GPR39: variants seen among roughly 807,000 people sequenced by gnomAD.
GPR39 encodes the protein G protein-coupled receptor 39.
A neutral mutation model predicts 18.4 loss-of-function variants in GPR39; 23 were observed. That is an observed-to-expected ratio of 1.25 (90% CI 0.90 to 1.77). The LOEUF is 1.77. GPR39 is among the 40% of genes most tolerant of loss of function. The probability of loss-of-function intolerance (pLI) is 0.00; values close to 1 mark genes in which losing one functional copy is unlikely to be tolerated. For missense variants in GPR39, 647 were observed against 602.4 expected (o/e 1.07, Z -0.78); for synonymous variants, 280 against 257.9 (o/e 1.09, Z -0.82).
At chr2:132,421,103 ATAATT>A (rs1444966776) in intron 1 of GPR39, among the ~76,000 whole-genome samples, 1 of 152,190 alleles carries the variant, frequency 6.6e-6, no homozygotes, top group Non-Finnish European at 1.5e-5. Context: ...AAAGGAACTG[ATAATT>A]TGATTATCTG....
chr2:132,623,632 C>T (rs898745080), intron 1 of GPR39, among the ~76,000 whole-genome samples: 10 of 152,216 alleles, frequency 6.6e-5, no homozygotes, highest in African/African-American at 2.4e-4. Flanking sequence ...AGCTGTGTGG[C>T]TTTGGCCAGT....
intron 1 of GPR39, among the ~76,000 whole-genome samples, chr2:132,510,256 C>T (rs1679215193): frequency 6.6e-6 from 1 of 152,164 alleles, no homozygotes; most frequent in Non-Finnish European, 1.5e-5. Context: ...AAAACACTCA[C>T]ATACAAGACA....
chr2:132,589,262 T>C (rs956660228), intron 1 of GPR39, among the ~76,000 whole-genome samples: 1 of 152,186 alleles, frequency 6.6e-6, no homozygotes, highest in African/African-American at 2.4e-5. Context: ...AGCAGTTACC[T>C]GGCAACCATG....
intron 1 of GPR39, among the ~76,000 whole-genome samples, chr2:132,503,049 T>C (rs1679075083): frequency 6.6e-6 from 1 of 152,222 alleles, no homozygotes; most frequent in African/African-American, 2.4e-5. Context: ...AATACTTGAC[T>C]TTCTGAATTA....
intron 1 of GPR39, among the ~76,000 whole-genome samples, chr2:132,438,251 C>G (rs1376337865): frequency 6.6e-6 from 1 of 152,154 alleles, no homozygotes; most frequent in African/African-American, 2.4e-5. Flanking sequence ...AGCTCTGACT[C>G]CAATAGGAGG....
chr2:132,447,201 T>C (rs538661667), intron 1 of GPR39, among the ~76,000 whole-genome samples: 4 of 152,186 alleles, frequency 2.6e-5, no homozygotes, highest in African/African-American at 7.2e-5. Context: ...TACTAACACC[T>C]CCTAAGTCCT....
intron 1 of GPR39, among the ~76,000 whole-genome samples, chr2:132,476,158 TC>T (rs1681121215): frequency 6.6e-6 from 1 of 152,022 alleles, no homozygotes; most frequent in African/African-American, 2.4e-5. Context: ...GAAGACAAAG[TC>T]CTTTAACTCG....
At chr2:132,566,798 A>G (rs1680356147) in intron 1 of GPR39, among the ~76,000 whole-genome samples, 1 of 152,144 alleles carries the variant, frequency 6.6e-6, no homozygotes, top group Non-Finnish European at 1.5e-5. Flanking sequence ...CCCAATACAC[A>G]TTCCCTGGCC....
intron 1 of GPR39, among the ~76,000 whole-genome samples, chr2:132,420,860 AAG>A (rs1378337505): frequency 7.2e-5 from 11 of 152,196 alleles, no homozygotes; most frequent in Admixed American, 7.2e-4. Context: ...CTGGGAGAGA[AAG>A]AGAGGCTGGG....
At chr2:132,435,029 G>C (rs1680287165) in intron 1 of GPR39, among the ~76,000 whole-genome samples, 1 of 152,164 alleles carries the variant, frequency 6.6e-6, no homozygotes, top group Non-Finnish European at 1.5e-5. Context: ...TCTGGCCAAA[G>C]CTTCTAATTA....
chr2:132,463,374 C>G (rs529148147), intron 1 of GPR39, among the ~76,000 whole-genome samples: 27 of 148,568 alleles, frequency 1.8e-4, no homozygotes, highest in African/African-American at 6.7e-4. Flanking sequence ...TGTTCTCTTG[C>G]TTGGTGAAAG....
At chr2:132,585,948 GTTTTTTTTTT>G (rs397985921) in intron 1 of GPR39, among the ~76,000 whole-genome samples, 4 of 62,974 alleles carry the variant, frequency 6.4e-5, no homozygotes, top group Admixed American at 2.6e-4. Flanking sequence ...AGCATCCCCG[GTTTTTTTTTT>G]TTTTTTTTTT....
chr2:132,603,670 G>A (rs1681084998), intron 1 of GPR39, among the ~76,000 whole-genome samples: 1 of 152,286 alleles, frequency 6.6e-6, no homozygotes, highest in South Asian at 2.1e-4. Flanking sequence ...CAACTAAAAA[G>A]AGGAGAAAAG....
Position 132,646,348 on chromosome 2 carries a change from CA to C in GPR39, c.*745del. 9.1e-7 allele frequency: 1 copy of C among 1,101,468 alleles called. No homozygotes were observed. Among genetic ancestry groups the C allele is most frequent in the Middle Eastern group, 2.1e-4 (1 of 4,654 alleles). The allele number at this position is 1,101,468 out of a possible 1,614,324, so 68.2% of individuals were successfully genotyped here. On this transcript the variant is annotated 3_prime_UTR_variant, in exon 2 of 2. Coordinates refer to ENST00000329321, the MANE Select transcript of GPR39 (RefSeq NM_001508.3). Reference sequence around the variant, plus strand: ...AAAAGAATAGCTGTCCCTCTCAGCCCAAATCCAAACGGACAGCTCTTCCTTA... The same window carrying C: ...AAAAGAATAGCTGTCCCTCTCAGCCCAATCCAAACGGACAGCTCTTCCTTA...
intron 1 of GPR39, among the ~76,000 whole-genome samples, chr2:132,551,162 A>G (rs1047555287): frequency 6.6e-6 from 1 of 152,184 alleles, no homozygotes; most frequent in African/African-American, 2.4e-5. Flanking sequence ...TTGATGTCTG[A>G]TTATCTCAGC....
At chr2:132,536,480 A>C (rs1480675576) in intron 1 of GPR39, among the ~76,000 whole-genome samples, 1 of 152,180 alleles carries the variant, frequency 6.6e-6, no homozygotes, top group Non-Finnish European at 1.5e-5. Flanking sequence ...GCAGTGTTTT[A>C]CTTCCAATTA....
chr2:132,608,988 A>T (rs1681190822), intron 1 of GPR39, among the ~76,000 whole-genome samples: 1 of 152,158 alleles, frequency 6.6e-6, no homozygotes, highest in South Asian at 2.1e-4. Flanking sequence ...AAATAAATAG[A>T]TGGACAAACA....
chr2:132,473,421 G>A (rs1681068563), intron 1 of GPR39, among the ~76,000 whole-genome samples: 1 of 152,126 alleles, frequency 6.6e-6, no homozygotes, highest in Admixed American at 6.5e-5. Context: ...TCTGCAGAAT[G>A]TCAAGGCAAT....
chr2:132,603,010 A>G (rs182128702), intron 1 of GPR39, among the ~76,000 whole-genome samples: 1 of 152,288 alleles, frequency 6.6e-6, no homozygotes, highest in Non-Finnish European at 1.5e-5. Context: ...GAACTACCGT[A>G]TGACCCAGAA....
Sources: allele counts gnomAD v4.1 joint callset (sites outside exome capture counted in the v4.1 genomes callset), GRCh38; gene constraint gnomAD v4.1.1; transcripts MANE v1.5; gene names NCBI Gene and HGNC (gene_info 2026-07-23, HGNC 2026-07-21).